The following KCTD8 variants were observed in gnomAD, a reference collection of about 807,000 sequenced individuals.
KCTD8 encodes the protein BTB/POZ domain-containing protein KCTD8.
Under a neutral mutation model 31.5 loss-of-function variants are expected in KCTD8, and 27 were observed. The ratio of observed to expected loss-of-function variants is 0.86; its 90% CI spans 0.63 to 1.18. KCTD8 has a LOEUF of 1.18. KCTD8 is among the 50% of genes most tolerant of loss of function. KCTD8 has a pLI of 0.00. For missense variants in KCTD8, 658 were observed against 647.7 expected (o/e 1.02, Z -0.17); for synonymous variants, 290 against 280.0 (o/e 1.04, Z -0.36).
At chr4:44,393,365 T>C (rs536766108) in intron 1 of KCTD8, among the ~76,000 whole-genome samples, 4 of 152,062 alleles carry the variant, frequency 2.6e-5, no homozygotes, top group East Asian at 3.9e-4. Flanking sequence ...CTAAGAAAAT[T>C]AGTGTAAAGC....
chr4:44,357,060 G>A (rs1719361177), intron 1 of KCTD8, among the ~76,000 whole-genome samples: 1 of 149,228 alleles, frequency 6.7e-6, no homozygotes, highest in African/African-American at 2.5e-5. Context: ...TATTTTAAAG[G>A]CATTTATATC....
chr4:44,444,096 G>A (rs1327126638), intron 1 of KCTD8, among the ~76,000 whole-genome samples: 2 of 152,136 alleles, frequency 1.3e-5, no homozygotes, highest in African/African-American at 4.8e-5. Context: ...AAGGGTTCAT[G>A]TAGCCAAATA....
chr4:44,395,916 G>C (rs1394112032), intron 1 of KCTD8, among the ~76,000 whole-genome samples: 2 of 152,118 alleles, frequency 1.3e-5, no homozygotes, highest in East Asian at 1.9e-4. Context: ...GACAGGGGAA[G>C]AGGTTAGGGA....
At chr4:44,422,939 G>C (rs1413859530) in intron 1 of KCTD8, among the ~76,000 whole-genome samples, 1 of 152,032 alleles carries the variant, frequency 6.6e-6, no homozygotes, top group Admixed American at 6.6e-5. Context: ...TTGGTGGATA[G>C]AGAAGAGACT....
At chr4:44,426,666 A>G (rs1463709679) in intron 1 of KCTD8, among the ~76,000 whole-genome samples, 1 of 151,822 alleles carries the variant, frequency 6.6e-6, no homozygotes, top group Non-Finnish European at 1.5e-5. Flanking sequence ...GGAAATTAAA[A>G]ACGAATATAT....
chr4:44,201,479 T>C (rs946733002), intron 1 of KCTD8, among the ~76,000 whole-genome samples: 1 of 151,676 alleles, frequency 6.6e-6, no homozygotes, highest in African/African-American at 2.4e-5. Context: ...TAGAACAAAA[T>C]AGAAAACTCA....
chr4:44,289,009 C>T (rs1307964785), intron 1 of KCTD8, among the ~76,000 whole-genome samples: 2 of 151,120 alleles, frequency 1.3e-5, no homozygotes, highest in East Asian at 1.9e-4. Flanking sequence ...AAAATTTAGT[C>T]TTATTAATTT....
intron 1 of KCTD8, among the ~76,000 whole-genome samples, chr4:44,309,096 C>T (rs1287210420): frequency 3.3e-5 from 5 of 152,160 alleles, no homozygotes; most frequent in African/African-American, 7.2e-5. Context: ...AATGCAATGG[C>T]ATGCTCTTGG....
rs960777861 is a variant in KCTD8 at position 44,202,338 on chromosome 4, T to C, written c.962-27088A>G. Among the ~76,000 whole-genome samples the C allele has an allele frequency of 2.6e-5, 4 of 152,162 alleles. No individual in the cohort carries two copies. The East Asian group carries it at 7.7e-4, about 29-fold the overall frequency. ...AAGACACATGCACTCACATGTTCAT[T>C]GCAGCACTATTCACAATAGCAAAGA... is the stretch of plus-strand genomic sequence containing the variant. On this transcript the variant is annotated intron_variant, in intron 1 of 1. Coordinates refer to ENST00000360029, the MANE Select transcript of KCTD8 (RefSeq NM_198353.3).
intron 1 of KCTD8, among the ~76,000 whole-genome samples, chr4:44,253,109 T>C (rs1247815509): frequency 6.6e-6 from 1 of 151,790 alleles, no homozygotes; most frequent in Non-Finnish European, 1.5e-5. Flanking sequence ...AATATCCCCA[T>C]ATTTTAAAAT....
intron 1 of KCTD8, among the ~76,000 whole-genome samples, chr4:44,222,126 A>G (rs949513459): frequency 1.3e-5 from 2 of 152,210 alleles, no homozygotes; most frequent in Non-Finnish European, 2.9e-5. Context: ...TAAAACCTAA[A>G]GTAGAATTCA....
At chr4:44,267,924 C>A (rs139992330) in intron 1 of KCTD8, among the ~76,000 whole-genome samples, 1 of 152,136 alleles carries the variant, frequency 6.6e-6, no homozygotes, top group African/African-American at 2.4e-5. Flanking sequence ...CAAAAAGAGT[C>A]CAGGACCAGA....
intron 1 of KCTD8, among the ~76,000 whole-genome samples, chr4:44,355,316 C>T (rs566448076): frequency 1.3e-5 from 2 of 152,172 alleles, no homozygotes; most frequent in South Asian, 4.1e-4. Context: ...GATTACTAAA[C>T]TATGCAGTGA....
At chr4:44,239,191 T>C (rs561971182) in intron 1 of KCTD8, among the ~76,000 whole-genome samples, 5 of 152,314 alleles carry the variant, frequency 3.3e-5, no homozygotes, top group Admixed American at 2.6e-4. Context: ...AAATCTAAGA[T>C]AGTCTTAGTC....
intron 1 of KCTD8, among the ~76,000 whole-genome samples, chr4:44,447,151 C>T (rs780804386): frequency 1.3e-5 from 2 of 152,244 alleles, no homozygotes; most frequent in Non-Finnish European, 2.9e-5. Context: ...CCACTGAGGG[C>T]CACATGAAAT....
intron 1 of KCTD8, among the ~76,000 whole-genome samples, chr4:44,346,662 A>G (rs1324949542): frequency 6.6e-6 from 1 of 152,162 alleles, no homozygotes. Flanking sequence ...GAGACTGGGT[A>G]TTGGAACACA....
intron 1 of KCTD8, among the ~76,000 whole-genome samples, chr4:44,362,957 C>T (rs542393301): frequency 3.0e-4 from 45 of 151,654 alleles, no homozygotes; most frequent in Non-Finnish European, 5.7e-4. Context: ...CTTTTTATAA[C>T]GTGGGTTAAA....
At chr4:44,424,049 A>ATC (rs1721286664) in intron 1 of KCTD8, among the ~76,000 whole-genome samples, 1 of 152,100 alleles carries the variant, frequency 6.6e-6, no homozygotes. Flanking sequence ...GTCTAACACT[A>ATC]TCCATCTTTA....
intron 1 of KCTD8, among the ~76,000 whole-genome samples, chr4:44,389,213 G>C (rs376292618): frequency 2.0e-5 from 3 of 151,834 alleles, no homozygotes; most frequent in East Asian, 1.9e-4. Context: ...TCTAGTATTT[G>C]ACAGCATAAC....
Sources: allele counts gnomAD v4.1 joint callset (sites outside exome capture counted in the v4.1 genomes callset), GRCh38; gene constraint gnomAD v4.1.1; transcripts MANE v1.5; gene names NCBI Gene and HGNC (gene_info 2026-07-23, HGNC 2026-07-21).